Variants in ABHD2 observed in about 807,000 individuals in gnomAD.
ABHD2 encodes the protein abhydrolase domain containing 2, acylglycerol lipase, also known as monoacylglycerol lipase ABHD2.
Under a neutral mutation model 48.1 loss-of-function variants are expected in ABHD2, and 20 were observed. The observed-to-expected ratio is 0.42, with a 90% CI of 0.29 to 0.60. The LOEUF is 0.60. Among genes scored for constraint, ABHD2 ranks in the 20% least tolerant of loss-of-function variants. ABHD2 has a pLI of 0.24. For missense variants in ABHD2, 405 were observed against 550.9 expected (o/e 0.74, Z 2.65); for synonymous variants, 209 against 214.2 (o/e 0.98, Z 0.21).
chr15:89,198,251 A>G lies in ABHD2; in HGVS notation c.*2828A>G, dbSNP rs1489973281. 1 of 152,238 alleles carries G rather than the reference A, an allele frequency of 6.6e-6. No individual in the cohort carries two copies. Among genetic ancestry groups the G allele is most frequent in the Non-Finnish European group, 1.5e-5 (1 of 68,046 alleles). 9.4% of individuals were successfully genotyped at this position (152,238 alleles called of 1,614,324 possible). A position where few individuals can be genotyped will look rare whatever the true frequency, so the allele number is the denominator to read the frequency against. On this transcript the variant is annotated 3_prime_UTR_variant, in exon 11 of 11. Transcript: ENST00000352732. The surrounding 1 kb of genome is among the most constrained non-coding windows in gnomAD (Gnocchi z 5.1). ...AAATTGCATCAATCTGGACAATTCC[A>G]TTGCAGGAATAATATGTTAAAAACC... is the stretch of plus-strand genomic sequence containing the variant.
chr15:89,065,177 C>T, the ABHD2 span, among the ~76,000 whole-genome samples: 3 of 152,264 alleles, frequency 2.0e-5, no homozygotes, highest in Admixed American at 6.5e-5. Context: ...CCTCCTCCAT[C>T]ATTGGTGTGA....
chr15:89,187,130 A>G (rs961804400), intron 7 of ABHD2, among the ~76,000 whole-genome samples: 1 of 152,202 alleles, frequency 6.6e-6, no homozygotes, highest in South Asian at 2.1e-4. Flanking sequence ...CTCTGACACC[A>G]AGTCCAAGTC....
chr15:89,067,070 G>T, the ABHD2 span, among the ~76,000 whole-genome samples: 3 of 151,796 alleles, frequency 2.0e-5, no homozygotes, highest in Non-Finnish European at 4.4e-5. Context: ...CCATGTTGGG[G>T]TGATCAGACC....
chr15:89,067,257 G>A, the ABHD2 span, among the ~76,000 whole-genome samples: 3 of 152,236 alleles, frequency 2.0e-5, no homozygotes, highest in Non-Finnish European at 4.4e-5. Context: ...GTGAGGATGT[G>A]GGGGTTGAAA....
intron 3 of ABHD2, among the ~76,000 whole-genome samples, chr15:89,134,372 T>G (rs1199424782): frequency 2.0e-5 from 3 of 152,202 alleles, no homozygotes; most frequent in Non-Finnish European, 4.4e-5. Context: ...ACGGCTACAC[T>G]TTGTCCAACA....
At chr15:89,131,554 G>A (rs1171817153) in intron 3 of ABHD2, among the ~76,000 whole-genome samples, 1 of 152,052 alleles carries the variant, frequency 6.6e-6, no homozygotes, top group Non-Finnish European at 1.5e-5. Flanking sequence ...AAGCAAAACT[G>A]GTTTCTGACT....
At chr15:89,068,310 A>G in the ABHD2 span, among the ~76,000 whole-genome samples, 1 of 152,124 alleles carries the variant, frequency 6.6e-6, no homozygotes, top group Non-Finnish European at 1.5e-5. Context: ...CAAAACAACC[A>G]TTTTATTTTG....
intron 1 of ABHD2, among the ~76,000 whole-genome samples, chr15:89,111,932 AT>A (rs2049881493): frequency 6.6e-6 from 1 of 150,740 alleles, no homozygotes. Flanking sequence ...TTTTCTAGGG[AT>A]TTTTTATTTA....
chr15:89,174,962 G>T lies in ABHD2; in HGVS notation c.539-850G>T, dbSNP rs1169198343. ...TAAGAGGTCTCATCTGTGTATTTTT[G>T]AATGAGCCTGCCTCCCTTGGCACCC... On this transcript the variant is annotated intron_variant, in intron 5 of 10. Coordinates refer to ENST00000352732, the MANE Select transcript of ABHD2 (RefSeq NM_152924.5). This position sits in a 1 kb window ranked among gnomAD's most constrained non-coding sequence, Gnocchi z 4.1. Among the ~76,000 whole-genome samples, 1 of 152,162 alleles carries T rather than the reference G, an allele frequency of 6.6e-6. No homozygotes were observed. The highest frequency in any genetic ancestry group is 6.5e-5 in the Admixed American group (1 of 15,282).
At chr15:89,143,373 T>A (rs2050436922) in intron 3 of ABHD2, among the ~76,000 whole-genome samples, 1 of 152,166 alleles carries the variant, frequency 6.6e-6, no homozygotes, top group Non-Finnish European at 1.5e-5. Context: ...AATTCATTTT[T>A]TAAAAAAAGT....
Position 89,137,266 on chromosome 15 carries a change from C to G in ABHD2, c.195-14411C>G, listed in dbSNP as rs1279413481. On this transcript the variant is annotated intron_variant, in intron 3 of 10. Coordinates refer to ENST00000352732, the MANE Select transcript of ABHD2 (RefSeq NM_152924.5). The surrounding 1 kb of genome is among the most constrained non-coding windows in gnomAD (Gnocchi z 4.8). ...TTGGTGTGCCTAGGGAGGATGTGAC[C>G]AGTTCCGCGTGCTGTTTGTGAACAG... Among the ~76,000 whole-genome samples, 16 of 152,264 alleles carry G rather than the reference C, an allele frequency of 1.1e-4. No homozygotes were observed. The highest frequency in any genetic ancestry group is 7.4e-5 in the Non-Finnish European group (5 of 68,022).
chr15:89,127,002 A>G (rs2050139793), intron 3 of ABHD2, among the ~76,000 whole-genome samples: 1 of 152,212 alleles, frequency 6.6e-6, no homozygotes, highest in Admixed American at 6.5e-5. Context: ...GTAGTCCTTG[A>G]AGACTTGATT....
At chr15:89,126,352 C>G (rs892797717) in intron 3 of ABHD2, among the ~76,000 whole-genome samples, 4 of 152,188 alleles carry the variant, frequency 2.6e-5, no homozygotes, top group African/African-American at 9.6e-5. Context: ...CTTTACAGGA[C>G]TTACATGGAA....
At chr15:89,156,611 G>GCCT (rs1267509263) in intron 5 of ABHD2, among the ~76,000 whole-genome samples, 3 of 151,566 alleles carry the variant, frequency 2.0e-5, no homozygotes, top group African/African-American at 7.3e-5. Context: ...GCTGGCACAC[G>GCCT]CCTGTAATCC....
rs146518381 is a variant in ABHD2 at position 89,100,801 on chromosome 15, G to A, written c.-107+12238G>A. ...GGAGAATTGCTGGAACCCAGGAGGC[G>A]GAGGTTGCTGTGAGCTGAGATGTGC... On this transcript the variant is annotated intron_variant, in intron 1 of 10. Coordinates refer to ENST00000352732, the MANE Select transcript of ABHD2 (RefSeq NM_152924.5). The surrounding 1 kb of genome is among the most constrained non-coding windows in gnomAD (Gnocchi z 4.4). Among the ~76,000 whole-genome samples, 2,057 of 152,258 alleles carry A rather than the reference G, an allele frequency of 0.014. 12 individuals are homozygous for A. The highest frequency in any genetic ancestry group is 0.041 in the Middle Eastern group (12 of 294).
chr15:89,042,952 G>T, the ABHD2 span, among the ~76,000 whole-genome samples: 20 of 152,200 alleles, frequency 1.3e-4, no homozygotes, highest in South Asian at 8.3e-4. Context: ...ACAGGCATAA[G>T]CCACGGCGCC....
At chr15:89,115,641 A>T (rs376230441) in intron 2 of ABHD2, among the ~76,000 whole-genome samples, 1 of 152,132 alleles carries the variant, frequency 6.6e-6, no homozygotes, top group South Asian at 2.1e-4. Context: ...GCCGAGCTCT[A>T]TTTCATTCCT....
the ABHD2 span, among the ~76,000 whole-genome samples, chr15:89,076,859 A>C: frequency 6.6e-6 from 1 of 152,048 alleles, no homozygotes; most frequent in African/African-American, 2.4e-5. Flanking sequence ...ATTTCTTTTA[A>C]ATTTATAATT....
At chr15:89,046,637 T>C in the ABHD2 span, among the ~76,000 whole-genome samples, 1 of 152,180 alleles carries the variant, frequency 6.6e-6, no homozygotes, top group Non-Finnish European at 1.5e-5. Flanking sequence ...AGAGTGTATG[T>C]GTCGAGGAAT....
Sources: gnomAD v4.1 joint callset for allele counts (sites outside exome capture counted in the v4.1 genomes callset) on GRCh38, gnomAD v4.1.1 for gene constraint, Gnocchi (gnomAD v3.1) non-coding constraint, MANE v1.5 for transcripts, NCBI Gene and HGNC (gene_info 2026-07-23, HGNC 2026-07-21) for gene names.